Variants in FLG2 observed in about 807,000 individuals in gnomAD.
The protein encoded by FLG2 is filaggrin 2, also known as filaggrin-2.
In FLG2, 7 loss-of-function variants were observed where a neutral mutation model predicts 3.9. That is an observed-to-expected ratio of 1.79 (90% confidence interval 1.02 to 3.36). The LOEUF (loss-of-function observed/expected upper bound fraction) is 3.36. Among genes scored for constraint, FLG2 ranks in the 30% most tolerant of loss-of-function variants. The pLI is 0.00. For synonymous variants in FLG2, 1,031 were observed against 1,056.1 expected (o/e 0.98, Z 0.46); for missense variants, 2,700 against 2,809.4 (o/e 0.96, Z 0.88).
At chr1:152,358,973 A>G (rs1654353608) in intron 1 of FLG2, 67 bp from the exon 2 acceptor site, 1 of 1,402,784 alleles carries the variant, frequency 7.1e-7, no homozygotes, top group Non-Finnish European at 9.6e-7. Flanking sequence ...TTTTCATTTT[A>G]ATAATAACCA....
Position 152,350,966 on chromosome 1 carries a change from G to T in FLG2, c.6820C>A (p.His2274Asn). The change falls in exon 3 of 3, where the codon CAC becomes AAC. Residue 2274 changes from histidine to asparagine, a missense_variant. Physicochemically the swap from His to Asn is moderately conservative, Grantham distance 68 (BLOSUM62 1). Coordinates refer to ENST00000388718, the MANE Select transcript of FLG2 (RefSeq NM_001014342.3). The stretch of plus-strand genomic sequence containing the variant: ...TGAGATCCAGCTTGGCCCTGAATGT[G>T]TCCTGAATGTGTGTGTGAGCCCCAT... ...HSWGSHTHSGHIQGQAGSQQR... is the reference protein window; with the variant it reads ...HSWGSHTHSGNIQGQAGSQQR... The T allele has an allele frequency of 2.5e-6, 4 of 1,613,888 alleles. No individual in the cohort carries two copies. Among genetic ancestry groups the T allele is most frequent in the Non-Finnish European group, 3.4e-6 (4 of 1,179,952 alleles).
In FLG2 at chr1:152,351,224, C is replaced by G; in HGVS notation, c.6562G>C (p.Val2188Leu). 4 of 1,613,662 alleles carry G rather than the reference C, an allele frequency of 2.5e-6. No homozygotes were observed. The highest frequency in any genetic ancestry group is 3.4e-6 in the Non-Finnish European group (4 of 1,179,942). The change falls in exon 3 of 3, where the codon GTG (valine) becomes CTG (leucine). Residue 2188 changes from valine (V) to leucine (L), a missense_variant. By Grantham distance (32) the Val-to-Leu change is conservative (BLOSUM62 1). Transcript: ENST00000388718. ...TGTGTGGGTGAGGCCTCTGAGTGCA[C>G]TTCACTATCACTGGACTCACTGTGA... Reference protein sequence around the residue: ...SSHSESSDSEVHSEASPTHSG... With the variant: ...SSHSESSDSELHSEASPTHSG...
chr1:152,355,915 C>A lies in FLG2; in HGVS notation c.1871G>T (p.Gly624Val). ...GQSSYGQHSSGSSQSSGYGQH... is the reference protein window; with the variant it reads ...GQSSYGQHSSVSSQSSGYGQH... Reference sequence around the variant, plus strand: ...GCCATAGCCAGATGACTGACTTGAGCCAGAACTGTGTTGGCCATAACTAGA... The same window carrying A: ...GCCATAGCCAGATGACTGACTTGAGACAGAACTGTGTTGGCCATAACTAGA... Residue 624 changes from glycine to valine, a missense_variant, in exon 3 of 3, where the codon GGC (glycine) becomes GTC (valine). Gly to Val is a moderately radical substitution (Grantham distance 109, BLOSUM62 -3). Transcript: ENST00000388718. 1 of 1,607,262 alleles carries A rather than the reference C, an allele frequency of 6.2e-7. No individual in the cohort carries two copies. The highest frequency in any genetic ancestry group is 8.5e-7 in the Non-Finnish European group (1 of 1,177,434).
chr1:152,353,138 T>C lies in FLG2; in HGVS notation c.4648A>G (p.Thr1550Ala). The change falls in exon 3 of 3, where the codon ACC becomes GCC. Residue 1550 changes from threonine (T) to alanine (A), a missense_variant. Transcript: ENST00000388718. ...TGACCAGAGTAGGAATGTCTAGTGG[T>C]ATCTCCTGTCTGTCCATGAGTAATT... ...HRITHGQTGD[T>A]TRHSYSGHEQ... 6.2e-7 allele frequency: 1 copy of C among 1,613,914 alleles called. No homozygotes were observed. Among genetic ancestry groups the C allele is most frequent in the Non-Finnish European group, 8.5e-7 (1 of 1,179,970 alleles).
rs1654152218 is a variant in FLG2, at chr1:152,355,090, T to C, written c.2696A>G (p.Gln899Arg). ...GTATTGTCCTGAGCCAGTCCCATGTTGTCCAAAGCCACTGGACTGACCTGA... is the reference window on the plus strand; with the variant it reads ...GTATTGTCCTGAGCCAGTCCCATGTCGTCCAAAGCCACTGGACTGACCTGA... ...SGSGQSSGFGQHGTGSGQYSG... is the reference protein window; with the variant it reads ...SGSGQSSGFGRHGTGSGQYSG... Residue 899 changes from glutamine (Q) to arginine (R), a missense_variant, in exon 3 of 3, where the codon CAA becomes CGA. Coordinates refer to ENST00000388718, the MANE Select transcript of FLG2 (RefSeq NM_001014342.3). 6.4e-7 allele frequency: 1 copy of C among 1,554,802 alleles called. No homozygotes were observed. The highest frequency in any genetic ancestry group is 8.7e-7 in the Non-Finnish European group (1 of 1,153,220).
rs1472216463 is a variant in FLG2, at chr1:152,353,196, TCC to T, written c.4588_4589del (p.Gly1530ArgfsTer8). 6.2e-7 allele frequency: 1 copy of T among 1,613,854 alleles called. No individual in the cohort carries two copies. The highest frequency in any genetic ancestry group is 8.5e-7 in the Non-Finnish European group (1 of 1,179,960). On this transcript the variant is annotated frameshift_variant, in exon 3 of 3. Coordinates refer to ENST00000388718, the MANE Select transcript of FLG2 (RefSeq NM_001014342.3). LOFTEE classifies it low-confidence loss of function (END_TRUNC). Reference protein sequence around the residue: ...HTHGQSGSQHGESESIIHDRH... With the variant: ...HTHGQSGSQHXESESIIHDRH... ...TGTCATGAATTATGGATTCTGACTC[TCC>T]ATGTTGAGATCCACTTTGGCCGTGA...
rs1340223440 is a variant in FLG2 at position 152,352,433 on chromosome 1, G to T, written c.5353C>A (p.His1785Asn). 3.8e-5 allele frequency: 62 copies of T among 1,613,490 alleles called. No homozygotes were observed. In the Admixed American group the frequency reaches 1.0e-3, roughly 27 times the overall value. Residue 1785 changes from histidine (H) to asparagine (N), a missense_variant, in exon 3 of 3, where the codon CAT becomes AAT. Transcript: ENST00000388718. ...GDTTRHAHSG[H>N]GQSTQTGSRT... ...GACCCTGTCTGTGTGGACTGTCCAT[G>T]ACCAGAGTGGGCATGTCTGGTGGTA...
Position 152,353,523 on chromosome 1 carries a change from T to A in FLG2, c.4263A>T (p.Gly1421=). Residue 1421 remains glycine, a synonymous_variant, in exon 3 of 3, where the codon GGA becomes GGT. Transcript: ENST00000388718. ...TGTCACTGGACTCACTATGGCCAGA[T>A]CCCCTTCTTCCAGTTGTCCTGGACC... ...QRGSRTTGRR[G]SGHSESSDSE... is the part of the protein sequence containing the mutation. 6.2e-7 allele frequency: 1 copy of A among 1,613,992 alleles called. No homozygotes were observed. The highest frequency in any genetic ancestry group is 8.5e-7 in the Non-Finnish European group (1 of 1,179,998).
Position 152,357,077 on chromosome 1 carries a change from GA to G in FLG2, c.708del (p.His237MetfsTer200), listed in dbSNP as rs1250660483. Reference sequence around the variant, plus strand: ...TCCAATCCACATGACAGACCACCATGACCTTTCCTTTCCCAACTGTTTGATC... The same window carrying G: ...TCCAATCCACATGACAGACCACCATGCCTTTCCTTTCCCAACTGTTTGATC... ...GSGSNSWERK[G>X]HGGLSCGLET... On this transcript the variant is annotated frameshift_variant, in exon 3 of 3. Transcript: ENST00000388718. LOFTEE classifies it low-confidence loss of function (END_TRUNC). 6.2e-7 allele frequency: 1 copy of G among 1,614,148 alleles called. No homozygotes were observed. The highest frequency in any genetic ancestry group is 8.5e-7 in the Non-Finnish European group (1 of 1,180,022).
In FLG2 at chr1:152,349,587, A is replaced by T. The variant is rs181894175; in HGVS notation, c.*1023T>A. The T allele has an allele frequency of 3.3e-5, 5 of 152,788 alleles. No individual in the cohort carries two copies. Among genetic ancestry groups the T allele is most frequent in the African/African-American group, 1.2e-4 (5 of 41,594 alleles). 9.5% of individuals were successfully genotyped at this position (152,788 alleles called of 1,614,324 possible). A position where few individuals can be genotyped will look rare whatever the true frequency, so the allele number is the denominator to read the frequency against. ...ACCCTTACTACCAAAAGAGGAGATC[A>T]TGTTAAATACCTTAATTTCATGTAT... On this transcript the variant is annotated 3_prime_UTR_variant, in exon 3 of 3. Transcript: ENST00000388718.
In FLG2 at chr1:152,352,503, G is replaced by A. The variant is rs201352191; in HGVS notation, c.5283C>T (p.Ser1761=). The A allele has an allele frequency of 8.7e-6, 14 of 1,613,028 alleles. No homozygotes were observed. Among genetic ancestry groups the A allele is most frequent in the Non-Finnish European group, 1.1e-5 (13 of 1,179,822 alleles). The change falls in exon 3 of 3, where the codon TCC becomes TCT. Residue 1761 remains serine, a synonymous_variant. Coordinates refer to ENST00000388718, the MANE Select transcript of FLG2 (RefSeq NM_001014342.3). The part of the protein sequence containing the change: ...QARSQHGESE[S]IVHERHGTIH... Reference sequence around the variant, plus strand: ...TAGTTCCATGTCTCTCATGAACTATGGATTCTGACTCTCCATGTTGAGATC... The same window carrying A: ...TAGTTCCATGTCTCTCATGAACTATAGATTCTGACTCTCCATGTTGAGATC...
rs772315553 is a variant in FLG2 at position 152,351,919 on chromosome 1, C to T, written c.5867G>A (p.Ser1956Asn). 1.7e-5 allele frequency: 28 copies of T among 1,613,890 alleles called. 1 individual carries two copies. The highest frequency in any genetic ancestry group is 2.4e-5 in the Non-Finnish European group (28 of 1,179,958). The change falls in exon 3 of 3, where the codon AGT (serine) becomes AAT (asparagine). Residue 1956 changes from serine (S) to asparagine (N), a missense_variant. By Grantham distance (46) the Ser-to-Asn change is conservative. Coordinates refer to ENST00000388718, the MANE Select transcript of FLG2 (RefSeq NM_001014342.3). ...GGGCCCTTCACTGTCACTGTACTCACTGTGGCCAGATCCCCTTCTTCCAGT... is the reference window on the plus strand; with the variant it reads ...GGGCCCTTCACTGTCACTGTACTCATTGTGGCCAGATCCCCTTCTTCCAGT... The part of the protein sequence containing the change: ...RTTGRRGSGH[S>N]EYSDSEGPSG...
At chr1:152,358,177 A>G (rs1654319853) in intron 2 of FLG2, among the ~76,000 whole-genome samples, 1 of 151,990 alleles carries the variant, frequency 6.6e-6, no homozygotes, top group Non-Finnish European at 1.5e-5. Context: ...GCATGCAACC[A>G]CGCCCGGCTA....
Position 152,354,284 on chromosome 1 carries a change from G to T in FLG2, c.3502C>A (p.Gln1168Lys). 6.2e-7 allele frequency: 1 copy of T among 1,614,142 alleles called. No homozygotes were observed. Among genetic ancestry groups the T allele is most frequent in the Non-Finnish European group, 8.5e-7 (1 of 1,180,004 alleles). The stretch of plus-strand genomic sequence containing the variant: ...GTTGGACCTGAGCCAGACTCATGTT[G>T]GCCACAGCCAGATGATTGACTGGAG... Reference protein sequence around the residue: ...TGSSQSSGCGQHESGSGPTTS... With the variant: ...TGSSQSSGCGKHESGSGPTTS... The change falls in exon 3 of 3, where the codon CAA (glutamine) becomes AAA (lysine). Residue 1168 changes from glutamine (Q) to lysine (K), a missense_variant. Physicochemically the swap from Gln to Lys is moderately conservative, Grantham distance 53. Coordinates refer to ENST00000388718, the MANE Select transcript of FLG2 (RefSeq NM_001014342.3).
intron 2 of FLG2, 89 bp from the exon 3 acceptor site, chr1:152,357,736 A>T (rs950987766): frequency 1.1e-6 from 1 of 890,574 alleles, no homozygotes; most frequent in African/African-American, 1.7e-5. Flanking sequence ...GAAATTATGG[A>T]TGTTTGACAT....
At position 152,352,411 on chromosome 1, in the gene FLG2, C is replaced by T. The variant is rs1276584320; in HGVS notation, c.5375G>A (p.Gly1792Glu). 5 of 1,613,642 alleles carry T rather than the reference C, an allele frequency of 3.1e-6. No homozygotes were observed. Among genetic ancestry groups the T allele is most frequent in the Non-Finnish European group, 3.4e-6 (4 of 1,179,922 alleles). The change falls in exon 3 of 3, where the codon GGG (glycine) becomes GAG (glutamate). Residue 1792 changes from glycine (G) to glutamate (E), a missense_variant. Coordinates refer to ENST00000388718, the MANE Select transcript of FLG2 (RefSeq NM_001014342.3). ...TGACCTTCTTCCAGTGGTCCTGGAC[C>T]CTGTCTGTGTGGACTGTCCATGACC... ...HSGHGQSTQT[G>E]SRTTGRRSSG...
At position 152,350,441 on chromosome 1, in the gene FLG2, T is replaced by G; in HGVS notation, c.*169A>C. The G allele has an allele frequency of 1.2e-6, 1 of 843,840 alleles. No individual in the cohort carries two copies. Among genetic ancestry groups the G allele is most frequent in the Non-Finnish European group, 1.8e-6 (1 of 559,514 alleles). The allele number at this position is 843,840 out of a possible 1,614,324, so 52.3% of individuals were successfully genotyped here. On this transcript the variant is annotated 3_prime_UTR_variant, in exon 3 of 3. Coordinates refer to ENST00000388718, the MANE Select transcript of FLG2 (RefSeq NM_001014342.3). ...TTGTTTGACTGTTTATGAGTTACTA[T>G]AGAATGTCCATGACTAGATTCCTGA... is the stretch of plus-strand genomic sequence containing the variant.
At position 152,352,447 on chromosome 1, in the gene FLG2, T is replaced by G; in HGVS notation, c.5339A>C (p.His1780Pro). 1 of 1,613,390 alleles carries G rather than the reference T, an allele frequency of 6.2e-7. No homozygotes were observed. Among genetic ancestry groups the G allele is most frequent in the Non-Finnish European group, 8.5e-7 (1 of 1,179,818 alleles). ...IHGQTGDTTR[H>P]AHSGHGQSTQ... is the part of the protein sequence containing the mutation. The stretch of plus-strand genomic sequence containing the variant: ...GGACTGTCCATGACCAGAGTGGGCA[T>G]GTCTGGTGGTATCGCCTGTCTGTCC... Residue 1780 changes from histidine (H) to proline (P), a missense_variant, in exon 3 of 3, where the codon CAT (histidine) becomes CCT (proline). Coordinates refer to ENST00000388718, the MANE Select transcript of FLG2 (RefSeq NM_001014342.3).
chr1:152,356,248 C>A lies in FLG2; in HGVS notation c.1538G>T (p.Gly513Val). 6.2e-7 allele frequency: 1 copy of A among 1,614,052 alleles called. No homozygotes were observed. The highest frequency in any genetic ancestry group is 8.5e-7 in the Non-Finnish European group (1 of 1,180,006). ...SGFGQHGSVS[G>V]QSSGFGQHGS... ...ATGCTGTCCAAAACCAGAGGATTGTCCTGAGACAGACCCATGCTGTCCAAA... is the reference window on the plus strand; with the variant it reads ...ATGCTGTCCAAAACCAGAGGATTGTACTGAGACAGACCCATGCTGTCCAAA... The change falls in exon 3 of 3, where the codon GGA (glycine) becomes GTA (valine). Residue 513 changes from glycine to valine, a missense_variant. By Grantham distance (109) the Gly-to-Val change is moderately radical. Coordinates refer to ENST00000388718, the MANE Select transcript of FLG2 (RefSeq NM_001014342.3).
Sources: gnomAD v4.1 joint callset for allele counts (sites outside exome capture counted in the v4.1 genomes callset) on GRCh38, gnomAD v4.1.1 for gene constraint, MANE v1.5 for transcripts, NCBI Gene and HGNC (gene_info 2026-07-23, HGNC 2026-07-21) for gene names.